CHD5: variants seen among roughly 807,000 people sequenced by gnomAD.
CHD5 encodes the protein ATP-dependent chromatin remodeler CHD5.
Under a neutral mutation model 230.3 loss-of-function variants are expected in CHD5, and 69 were observed. That is an observed-to-expected ratio of 0.30 (90% CI 0.25 to 0.37). The LOEUF (loss-of-function observed/expected upper bound fraction) is 0.37, where lower values mean the gene tolerates loss of function less well. Among genes scored for constraint, CHD5 ranks in the 10% least tolerant of loss-of-function variants. The pLI, the probability that CHD5 is intolerant of heterozygous loss-of-function variation, is 1.00. For missense variants in CHD5, 1,827 were observed against 2,622.8 expected (o/e 0.70, Z 6.63); for synonymous variants, 1,064 against 1,065.9 (o/e 1.00, Z 0.03).
rs1008462843 is a variant in CHD5, at chr1:6,128,915, G to A, written c.3542C>T (p.Ser1181Leu). ...CAGCTCCTGCTTGGTCATGGACCCCGACTTGGAGCCGAGGCCGGGCCGCAC... is the reference window on the plus strand; with the variant it reads ...CAGCTCCTGCTTGGTCATGGACCCCAACTTGGAGCCGAGGCCGGGCCGCAC... ...LVVRPGLGSK[S>L]GSMTKQELDD... is the part of the protein sequence containing the mutation. Residue 1181 changes from serine to leucine, a missense_variant, in exon 23 of 42, where the codon TCG becomes TTG. Coordinates refer to ENST00000262450, the MANE Select transcript of CHD5 (RefSeq NM_015557.3). The surrounding 1 kb of genome is among the most constrained non-coding windows in gnomAD (Gnocchi z 7.8). 6.8e-6 allele frequency: 11 copies of A among 1,613,250 alleles called. No homozygotes were observed. Among genetic ancestry groups the A allele is most frequent in the Admixed American group, 6.7e-5 (4 of 59,998 alleles).
chr1:6,125,470 C>A lies in CHD5; in HGVS notation c.4260+54G>T, dbSNP rs544665017. 6.6e-5 allele frequency: 101 copies of A among 1,519,526 alleles called. No homozygotes were observed. The highest frequency in any genetic ancestry group is 2.9e-4 in the Admixed American group (15 of 50,908). 94.1% of individuals were successfully genotyped at this position (1,519,526 alleles called of 1,614,324 possible). A position where few individuals can be genotyped will look rare whatever the true frequency, so the allele number is the denominator to read the frequency against. ...AGTCCCCCAGCCCTCCTCCATACCC[C>A]AGGGGCAGCAGGAAGCAGGGGCAGA... On this transcript the variant is annotated intron_variant, in intron 28 of 41. Coordinates refer to ENST00000262450, the MANE Select transcript of CHD5 (RefSeq NM_015557.3). The surrounding 1 kb of genome is among the most constrained non-coding windows in gnomAD (Gnocchi z 6.7).
chr1:6,149,199 A>C, intron 8 of CHD5, 47 bp downstream of exon 8: 1 of 1,512,042 alleles, frequency 6.6e-7, no homozygotes, highest in South Asian at 1.3e-5. Context: ...GGGGTGGGGG[A>C]GCCAGGCGTG....
rs116550066 is a variant in CHD5, at chr1:6,135,268, G to A, written c.2832C>T (p.Thr944=). The A allele has an allele frequency of 8.2e-4, 1,326 of 1,614,100 alleles. 12 individuals carry two copies. In the African/African-American group the frequency reaches 0.015, roughly 18 times the overall value. The part of the protein sequence containing the change: ...ADVFKNMPAK[T]ELIVRVELSQ... ...TCAGCTCCACCCGGACAATGAGCTC[G>A]GTCTTGGCCGGCATGTTCTTGAACA... Residue 944 remains threonine, a synonymous_variant, in exon 18 of 42, where the codon ACC becomes ACT. Transcript: ENST00000262450.
chr1:6,148,762 G>A lies in CHD5; in HGVS notation c.1383+92C>T, dbSNP rs552794242. The A allele has an allele frequency of 1.6e-5, 16 of 1,011,512 alleles. No individual in the cohort carries two copies. In the African/African-American group the frequency reaches 2.5e-4, roughly 16 times the overall value. The allele number at this position is 1,011,512 out of a possible 1,614,324, so 62.7% of individuals were successfully genotyped here. A position where few individuals can be genotyped will look rare whatever the true frequency, so the allele number is the denominator to read the frequency against. On this transcript the variant is annotated intron_variant, in intron 9 of 41. Transcript: ENST00000262450. The stretch of plus-strand genomic sequence containing the variant: ...GCGGGGCAGGAGCCGGCAGGGGCGG[G>A]GCCTTTTGAGGAGGGCAGGCCTTCC...
At chr1:6,161,339 G>A (rs1305568915) in intron 2 of CHD5, among the ~76,000 whole-genome samples, 3 of 152,142 alleles carry the variant, frequency 2.0e-5, no homozygotes, top group Non-Finnish European at 2.9e-5. Context: ...TCACTGACAG[G>A]GGAGGTGGGG....
intron 9 of CHD5, among the ~76,000 whole-genome samples, chr1:6,148,317 G>A (rs565434065): frequency 1.2e-4 from 18 of 151,872 alleles, no homozygotes; most frequent in African/African-American, 4.3e-4. Flanking sequence ...CCCGCCCTAG[G>A]AGCCTCCTGC....
At chr1:6,177,330 G>A (rs1667442590) in intron 1 of CHD5, among the ~76,000 whole-genome samples, 1 of 152,214 alleles carries the variant, frequency 6.6e-6, no homozygotes, top group African/African-American at 2.4e-5. Context: ...AGGAGGCCTG[G>A]CTAGGGCTGT....
intron 13 of CHD5, among the ~76,000 whole-genome samples, chr1:6,143,104 G>T (rs1666854939): frequency 6.6e-6 from 1 of 151,764 alleles, no homozygotes; most frequent in African/African-American, 2.4e-5. Flanking sequence ...CCAGGCTGGA[G>T]TGCAGTGGCA....
At chr1:6,127,466 A>G (rs1438939663) in intron 25 of CHD5, among the ~76,000 whole-genome samples, 1 of 151,808 alleles carries the variant, frequency 6.6e-6, no homozygotes, top group African/African-American at 2.4e-5. Flanking sequence ...AGCCGGGGCG[A>G]CAGAGCGAGA....
At chr1:6,161,041 G>A (rs1308928724) in intron 2 of CHD5, among the ~76,000 whole-genome samples, 1 of 152,200 alleles carries the variant, frequency 6.6e-6, no homozygotes, top group Non-Finnish European at 1.5e-5. Context: ...GAGAGGCATG[G>A]GATGAGATTA....
At chr1:6,175,952 G>A (rs950549992) in intron 1 of CHD5, among the ~76,000 whole-genome samples, 1 of 152,038 alleles carries the variant, frequency 6.6e-6, no homozygotes, top group African/African-American at 2.4e-5. Context: ...GATGGTGAAC[G>A]GTTACTTGGT....
In CHD5 at chr1:6,106,602, A is replaced by T; in HGVS notation, c.5742+14T>A. On this transcript the variant is annotated intron_variant, in intron 39 of 41. Coordinates refer to ENST00000262450, the MANE Select transcript of CHD5 (RefSeq NM_015557.3). ...CCAGGGGGCTCGGGCCGGGGCACACAGGCCGAGCCTGACCTGCTGGATGGT... is the reference window on the plus strand; with the variant it reads ...CCAGGGGGCTCGGGCCGGGGCACACTGGCCGAGCCTGACCTGCTGGATGGT... 6.4e-7 allele frequency: 1 copy of T among 1,556,608 alleles called. No homozygotes were observed. Among genetic ancestry groups the T allele is most frequent in the Non-Finnish European group, 8.7e-7 (1 of 1,150,830 alleles).
intron 29 of CHD5, 41 bp from the exon 30 acceptor site, chr1:6,124,702 G>A (rs763044563): frequency 1.7e-6 from 2 of 1,187,872 alleles, no homozygotes; most frequent in Non-Finnish European, 2.4e-6. Flanking sequence ...GGAGTGGGGG[G>A]CCGGCAAGAA....
chr1:6,145,048 T>C (rs891036031), intron 11 of CHD5, among the ~76,000 whole-genome samples: 10 of 152,156 alleles, frequency 6.6e-5, no homozygotes, highest in African/African-American at 2.2e-4. Context: ...GCCAATTCAT[T>C]GCCGGGCTCA....
chr1:6,109,798 T>G lies in CHD5; in HGVS notation c.5575A>C (p.Lys1859Gln). Reference protein sequence around the residue: ...GNKPANAVLHKVLNQLEELLS... With the variant: ...GNKPANAVLHQVLNQLEELLS... ...GTGGGGGGCAGGACTTGCTCACCCT[T>G]GTGCAGGACGGCATTGGCAGGCTTG... Residue 1859 changes from lysine (K) to glutamine (Q), a missense_variant, in exon 38 of 42, where the codon AAG becomes CAG. Physicochemically the swap from Lys to Gln is moderately conservative, Grantham distance 53 (BLOSUM62 1). Around this residue, in one of 14 missense-constraint regions of CHD5, gnomAD observed 208 missense variants for 302.0 expected, o/e 0.69. Transcript: ENST00000262450. 6.2e-7 allele frequency: 1 copy of G among 1,611,858 alleles called. No homozygotes were observed. Among genetic ancestry groups the G allele is most frequent in the Non-Finnish European group, 8.5e-7 (1 of 1,179,306 alleles).
At chr1:6,108,736 G>A (rs1021689259) in intron 38 of CHD5, among the ~76,000 whole-genome samples, 41 of 149,218 alleles carry the variant, frequency 2.7e-4, no homozygotes, top group Non-Finnish European at 3.4e-4. Flanking sequence ...GAGGGATGAT[G>A]GAGAGACAGA....
chr1:6,142,377 C>G lies in CHD5; in HGVS notation c.2235+37G>C, dbSNP rs1198199385. 2 of 1,596,040 alleles carry G rather than the reference C, an allele frequency of 1.3e-6. No homozygotes were observed. Among genetic ancestry groups the G allele is most frequent in the East Asian group, 4.5e-5 (2 of 44,512 alleles). ...GAGACCACCTGCCCTTGGCCAGGAC[C>G]AGCCACCCCTCCTGGCCGCCTGCCC... On this transcript the variant is annotated intron_variant, in intron 14 of 41. Coordinates refer to ENST00000262450, the MANE Select transcript of CHD5 (RefSeq NM_015557.3). This position sits in a 1 kb window ranked among gnomAD's most constrained non-coding sequence, Gnocchi z 5.2.
chr1:6,155,776 TC>T lies in CHD5; in HGVS notation c.388-60del. On this transcript the variant is annotated intron_variant, in intron 3 of 41. Transcript: ENST00000262450. This position sits in a 1 kb window ranked among gnomAD's most constrained non-coding sequence, Gnocchi z 4.0. ...AGGGGCCTTCTGACCTGCACCCCCA[TC>T]CCCAGGGTCTCTGCCTAGGAGGCTT... The T allele has an allele frequency of 2.3e-6, 3 of 1,327,754 alleles. No homozygotes were observed. Among genetic ancestry groups the T allele is most frequent in the Non-Finnish European group, 2.2e-6 (2 of 923,578 alleles). 82.2% of individuals were successfully genotyped at this position (1,327,754 alleles called of 1,614,324 possible). A position where few individuals can be genotyped will look rare whatever the true frequency, so the allele number is the denominator to read the frequency against.
chr1:6,154,515 TCCAA>T lies in CHD5; in HGVS notation c.745+141_745+144del. 1.5e-6 allele frequency: 1 copy of T among 647,170 alleles called. No individual in the cohort carries two copies. Among genetic ancestry groups the T allele is most frequent in the Admixed American group, 3.6e-5 (1 of 27,896 alleles). The allele number at this position is 647,170 out of a possible 1,614,324, so 40.1% of individuals were successfully genotyped here. A position where few individuals can be genotyped will look rare whatever the true frequency, so the allele number is the denominator to read the frequency against. The stretch of plus-strand genomic sequence containing the variant: ...TCACTGCTGAGAAAGGACCGGGCAA[TCCAA>T]GGTCACACAGGCACAGAGCCCTCCA... On this transcript the variant is annotated intron_variant, in intron 5 of 41. Transcript: ENST00000262450. This position sits in a 1 kb window ranked among gnomAD's most constrained non-coding sequence, Gnocchi z 7.0.
Sources: allele counts gnomAD v4.1 joint callset (sites outside exome capture counted in the v4.1 genomes callset), GRCh38; gene constraint gnomAD v4.1.1; regional missense constraint gnomAD v4.1.1; non-coding constraint Gnocchi (gnomAD v3.1); transcripts MANE v1.5; gene names NCBI Gene and HGNC (gene_info 2026-07-23, HGNC 2026-07-21).